The following RGPD3 variants were observed in gnomAD, a reference collection of about 807,000 sequenced individuals.
RGPD3 encodes the protein RANBP2 like and GRIP domain containing 3, also known as ranBP2-like and GRIP domain-containing protein 3.
In RGPD3, 62 loss-of-function variants were observed where a neutral mutation model predicts 154.5. The observed-to-expected ratio is 0.40, with a 90% CI of 0.33 to 0.50. The LOEUF (loss-of-function observed/expected upper bound fraction) is 0.50. RGPD3 is among the 20% of genes least tolerant of loss of function. RGPD3 has a pLI of 0.59. For synonymous variants in RGPD3, 308 were observed against 607.0 expected (o/e 0.51, Z 7.24); for missense variants, 919 against 1,716.8 (o/e 0.54, Z 8.21).
At chr2:106,418,452 C>T (rs1676880142) in intron 20 of RGPD3, among the ~76,000 whole-genome samples, 2 of 152,008 alleles carry the variant, frequency 1.3e-5, no homozygotes, top group South Asian at 4.2e-4. Context: ...TCTGCAGCTT[C>T]GTAATTGTTG....
rs1411930438 is a variant in RGPD3 at position 106,425,262 on chromosome 2, G to A, written c.2705C>T (p.Ser902Phe). 1.2e-6 allele frequency: 2 copies of A among 1,611,132 alleles called. No individual in the cohort carries two copies. Among genetic ancestry groups the A allele is most frequent in the Admixed American group, 1.7e-5 (1 of 59,892 alleles). Reference sequence around the variant, plus strand: ...GGTTGACTTAAATTCTGTATTAGAAGAACCCTGAAACATAAATGAAGGTGA... The same window carrying A: ...GGTTGACTTAAATTCTGTATTAGAAAAACCCTGAAACATAAATGAAGGTGA... ...PAANVTPTKG[S>F]SNTEFKSTKE... Residue 902 changes from serine to phenylalanine, a missense_variant, in exon 20 of 23, where the codon TCT (serine) becomes TTT (phenylalanine). Ser to Phe is a radical substitution (Grantham distance 155). Transcript: ENST00000409886.
At chr2:106,420,081 AT>A (rs1676932042) in intron 20 of RGPD3, among the ~76,000 whole-genome samples, 1 of 145,732 alleles carries the variant, frequency 6.9e-6, no homozygotes, top group African/African-American at 2.5e-5. Flanking sequence ...ACTGAAAAAA[AT>A]CTTAAAACAT....
chr2:106,467,852 G>A lies in RGPD3; in HGVS notation c.72+365C>T, dbSNP rs1267295575. ...CGCCAGGGAGCAGCGCCCGTCGGGAGCCATGACGCCTGAGCCATCGAGGCC... is the reference window on the plus strand; with the variant it reads ...CGCCAGGGAGCAGCGCCCGTCGGGAACCATGACGCCTGAGCCATCGAGGCC... On this transcript the variant is annotated intron_variant, in intron 1 of 22. Coordinates refer to ENST00000409886, the MANE Select transcript of RGPD3 (RefSeq NM_001144013.2). Among the ~76,000 whole-genome samples, 21 of 139,356 alleles carry A rather than the reference G, an allele frequency of 1.5e-4. No individual in the cohort carries two copies. The South Asian group carries it at 4.5e-3, about 30-fold the overall frequency. 91.4% of individuals were successfully genotyped at this position (139,356 alleles called of 152,430 possible).
chr2:106,413,251 T>A lies in RGPD3; in HGVS notation c.5099A>T (p.Asn1700Ile). 6.2e-7 allele frequency: 1 copy of A among 1,612,016 alleles called. No homozygotes were observed. The highest frequency in any genetic ancestry group is 8.5e-7 in the Non-Finnish European group (1 of 1,179,864). Reference protein sequence around the residue: ...LKSEIRRLERNQEQEVSAANV... With the variant: ...LKSEIRRLERIQEQEVSAANV... ...AGCTGCAGACACCTCTTGCTCTTGA[T>A]TCCTTTCCAATCTTCTTATTTCACT... The change falls in exon 22 of 23, where the codon AAT (asparagine) becomes ATT (isoleucine). Residue 1700 changes from asparagine (N) to isoleucine (I), a missense_variant. By Grantham distance (149) the Asn-to-Ile change is moderately radical (BLOSUM62 -3). Coordinates refer to ENST00000409886, the MANE Select transcript of RGPD3 (RefSeq NM_001144013.2).
chr2:106,468,850 T>A (rs1350308962), upstream of RGPD3, among the ~76,000 whole-genome samples: 4 of 142,230 alleles, frequency 2.8e-5, no homozygotes, highest in East Asian at 8.4e-4. Context: ...AACTGTGATT[T>A]GAGGCAGCTG....
chr2:106,411,409 G>A (rs1573238728), intron 22 of RGPD3, among the ~76,000 whole-genome samples: 1 of 138,266 alleles, frequency 7.2e-6, no homozygotes, highest in South Asian at 2.7e-4. Context: ...ATTGGAACAA[G>A]CTCAGTGTTA....
intron 1 of RGPD3, among the ~76,000 whole-genome samples, chr2:106,463,354 T>C (rs1678461250): frequency 6.6e-6 from 1 of 152,284 alleles, no homozygotes; most frequent in African/African-American, 2.4e-5. Context: ...CGCACACCTG[T>C]AATCCCACTA....
At chr2:106,449,461 T>C (rs9711861) in intron 6 of RGPD3, among the ~76,000 whole-genome samples, 6 of 128,222 alleles carry the variant, frequency 4.7e-5, no homozygotes, top group South Asian at 2.5e-4. Flanking sequence ...AGCAAAACTC[T>C]GTCTCAAAAA....
At position 106,442,408 on chromosome 2, in the gene RGPD3, A is replaced by G. The variant is rs1677775937; in HGVS notation, c.979-1028T>C. 4.1e-5 allele frequency among the ~76,000 whole-genome samples: 5 copies of G among 122,260 alleles called. No homozygotes were observed. The Admixed American group carries it at 4.2e-4, about 10-fold the overall frequency. 80.2% of individuals were successfully genotyped at this position (122,260 alleles called of 152,430 possible). On this transcript the variant is annotated intron_variant, in intron 7 of 22. Coordinates refer to ENST00000409886, the MANE Select transcript of RGPD3 (RefSeq NM_001144013.2). ...ACTTGGAAATGCCACATTGTAGATA[A>G]CACATTTTCAGAGTATGGATAATAG... is the stretch of plus-strand genomic sequence containing the variant.
intron 22 of RGPD3, among the ~76,000 whole-genome samples, chr2:106,406,881 T>G (rs980475550): frequency 1.3e-5 from 2 of 152,208 alleles, no homozygotes; most frequent in African/African-American, 4.8e-5. Flanking sequence ...TGGGGAAATT[T>G]TCTAGAGTTA....
At chr2:106,444,682 C>T (rs1677852600) in intron 7 of RGPD3, among the ~76,000 whole-genome samples, 1 of 146,728 alleles carries the variant, frequency 6.8e-6, no homozygotes, top group Non-Finnish European at 1.5e-5. Context: ...ACAATGTAGC[C>T]AGGCATGGTG....
intron 6 of RGPD3, among the ~76,000 whole-genome samples, chr2:106,450,753 C>T (rs1297786483): frequency 1.6e-4 from 18 of 110,586 alleles, no homozygotes; most frequent in Middle Eastern, 5.7e-3. Context: ...GGTGTGGTGT[C>T]GGGCACCTGT....
intron 6 of RGPD3, among the ~76,000 whole-genome samples, chr2:106,451,105 AAAG>A (rs1678109994): frequency 5.5e-5 from 7 of 126,252 alleles, no homozygotes; most frequent in African/African-American, 2.2e-4. Flanking sequence ...AAAAAACAAA[AAAG>A]AAAGAAAGAA....
intron 18 of RGPD3, among the ~76,000 whole-genome samples, chr2:106,426,695 G>A (rs832360): frequency 0.019 from 2,653 of 141,260 alleles, 21 homozygotes; most frequent in Non-Finnish European, 0.025. Context: ...GAAACAAAAC[G>A]ACTAGAAGGC....
Position 106,404,004 on chromosome 2 carries a change from C to CTAGT in RGPD3, c.*1211_*1214dup, listed in dbSNP as rs1211871495. Among the ~76,000 whole-genome samples, 2 of 152,182 alleles carry CTAGT rather than the reference C, an allele frequency of 1.3e-5. No individual in the cohort carries two copies. Among genetic ancestry groups the CTAGT allele is most frequent in the Non-Finnish European group, 2.9e-5 (2 of 68,050 alleles). On this transcript the variant is annotated 3_prime_UTR_variant, in exon 23 of 23. Coordinates refer to ENST00000409886, the MANE Select transcript of RGPD3 (RefSeq NM_001144013.2). Reference sequence around the variant, plus strand: ...GATTTAAGAACAACACAGTTTGGATCTAGTCATTAAAACATATGCAGCGGT... The same window carrying CTAGT: ...GATTTAAGAACAACACAGTTTGGATCTAGTTAGTCATTAAAACATATGCAGCGGT...
rs772813472 is a variant in RGPD3, at chr2:106,412,293, G to GTT, written c.5266+789_5266+790dup. Among the ~76,000 whole-genome samples, 19 of 45,028 alleles carry GTT rather than the reference G, an allele frequency of 4.2e-4. 5 individuals carry two copies. The highest frequency in any genetic ancestry group is 6.0e-4 in the Non-Finnish European group (15 of 25,190). 29.5% of individuals were successfully genotyped at this position (45,028 alleles called of 152,430 possible). ...GGAAACCAACTCTAACTACATCATA[G>GTT]TTTTTTTTTTTTTTTTTTTTTTTTT... is the stretch of plus-strand genomic sequence containing the variant. On this transcript the variant is annotated intron_variant, in intron 22 of 22. Transcript: ENST00000409886.
chr2:106,423,736 T>C lies in RGPD3; in HGVS notation c.4231A>G (p.Ile1411Val), dbSNP rs1414391997. The change falls in exon 20 of 23, where the codon ATA becomes GTA. Residue 1411 changes from isoleucine to valine, a missense_variant. By Grantham distance (29) the Ile-to-Val change is conservative. Transcript: ENST00000409886. ...TTTTGCAAACTCATGTCTGGAGTTA[T>C]TCTGTGATTGGCACAAAGTTTTAAT... is the stretch of plus-strand genomic sequence containing the variant. ...QVLKLCANHR[I>V]TPDMSLQNMK... The C allele has an allele frequency of 1.1e-5, 17 of 1,611,866 alleles. 1 individual carries two copies. Among genetic ancestry groups the C allele is most frequent in the Admixed American group, 1.7e-5 (1 of 59,980 alleles).
intron 22 of RGPD3, among the ~76,000 whole-genome samples, chr2:106,409,944 C>T (rs1471915683): frequency 1.9e-4 from 28 of 145,648 alleles, no homozygotes; most frequent in Non-Finnish European, 3.6e-4. Context: ...GGCACCATCT[C>T]GGCTCACTGC....
intron 6 of RGPD3, among the ~76,000 whole-genome samples, 181 bp from the exon 7 acceptor site, chr2:106,447,794 G>A (rs1383173233): frequency 6.9e-6 from 1 of 145,136 alleles, no homozygotes; most frequent in Non-Finnish European, 1.5e-5. Flanking sequence ...TTTTTATCCT[G>A]CATACTTCCT....
Sources: gnomAD v4.1 joint callset for allele counts (sites outside exome capture counted in the v4.1 genomes callset) on GRCh38, gnomAD v4.1.1 for gene constraint, MANE v1.5 for transcripts, NCBI Gene and HGNC (gene_info 2026-07-23, HGNC 2026-07-21) for gene names.